SNTG1: variants seen among roughly 807,000 people sequenced by gnomAD.
SNTG1 encodes the protein gamma-1-syntrophin.
In SNTG1, 39 loss-of-function variants were observed where a neutral mutation model predicts 74.7. The observed-to-expected ratio is 0.52, with a 90% CI of 0.40 to 0.68. The LOEUF is 0.68. Ranked by LOEUF, SNTG1 falls within the 30% of genes least tolerant of loss-of-function variation. SNTG1 has a pLI of 0.00. For synonymous variants in SNTG1, 254 were observed against 217.1 expected, an observed-to-expected ratio of 1.17 and a Z score of -1.49; for missense variants, 685 against 609.5, an observed-to-expected ratio of 1.12 and a Z score of -1.30.
chr8:50,437,289 A>C (rs1344868562), intron 4 of SNTG1, among the ~76,000 whole-genome samples: 1 of 152,156 alleles, frequency 6.6e-6, no homozygotes, highest in Non-Finnish European at 1.5e-5. Flanking sequence ...CAAAATTCAA[A>C]ATAAATCAAT....
Position 50,450,611 on chromosome 8 carries a change from A to G in SNTG1, c.321+12A>G. ...ATGCAATTCTACAGGTATACATTTTATCACTATATGTGTGGTCAAAACATT... is the reference window on the plus strand; with the variant it reads ...ATGCAATTCTACAGGTATACATTTTGTCACTATATGTGTGGTCAAAACATT... On this transcript the variant is annotated intron_variant, in intron 7 of 18. Transcript: ENST00000642720. The G allele has an allele frequency of 1.2e-6, 2 of 1,613,534 alleles. No homozygotes were observed. The highest frequency in any genetic ancestry group is 2.2e-5 in the South Asian group (2 of 91,076).
At chr8:50,668,498 T>A (rs1441729603) in intron 15 of SNTG1, among the ~76,000 whole-genome samples, 27 of 11,932 alleles carry the variant, frequency 2.3e-3, no homozygotes, top group African/African-American at 3.3e-3. Flanking sequence ...TTTCGCACAT[T>A]ATTATTATTA....
chr8:50,488,556 G>A (rs1175752832), intron 8 of SNTG1, among the ~76,000 whole-genome samples: 1 of 152,018 alleles, frequency 6.6e-6, no homozygotes, highest in Non-Finnish European at 1.5e-5. Context: ...CCTTGCCTAT[G>A]AGCACCTCTC....
chr8:49,975,367 G>T (rs1812095481), intron 1 of SNTG1, among the ~76,000 whole-genome samples: 1 of 152,006 alleles, frequency 6.6e-6, no homozygotes, highest in Admixed American at 6.6e-5. Flanking sequence ...CTTTGCCTTA[G>T]TATGCTTGTT....
At chr8:50,538,476 A>G (rs529426395) in intron 11 of SNTG1, among the ~76,000 whole-genome samples, 1 of 152,208 alleles carries the variant, frequency 6.6e-6, no homozygotes, top group African/African-American at 2.4e-5. Flanking sequence ...GAGGATACAG[A>G]CTTTGGAGTT....
chr8:50,362,882 A>G (rs1437107731), intron 2 of SNTG1, among the ~76,000 whole-genome samples: 1 of 152,194 alleles, frequency 6.6e-6, no homozygotes, highest in Non-Finnish European at 1.5e-5. Flanking sequence ...AATGGGCCAT[A>G]TAACTATCAC....
intron 2 of SNTG1, among the ~76,000 whole-genome samples, chr8:50,196,960 T>A (rs1395367093): frequency 6.6e-6 from 1 of 151,866 alleles, no homozygotes; most frequent in African/African-American, 2.4e-5. Context: ...CCAGCCTGAG[T>A]GACAGAGCCA....
chr8:50,127,178 G>A (rs2081170330), intron 1 of SNTG1, among the ~76,000 whole-genome samples: 1 of 152,022 alleles, frequency 6.6e-6, no homozygotes, highest in Admixed American at 6.6e-5. Flanking sequence ...ATTTGCTGAC[G>A]CAGAGCTAGG....
chr8:50,512,320 C>A (rs1038235553), intron 9 of SNTG1, among the ~76,000 whole-genome samples: 4 of 151,372 alleles, frequency 2.6e-5, no homozygotes, highest in East Asian at 1.9e-4. Flanking sequence ...TGTGGGTAAC[C>A]CGACCTTTCT....
At chr8:49,972,766 C>G (rs1327338527) in intron 1 of SNTG1, among the ~76,000 whole-genome samples, 5 of 152,118 alleles carry the variant, frequency 3.3e-5, no homozygotes, top group Admixed American at 2.0e-4. Flanking sequence ...TGAAAAAATG[C>G]TCATCATCAC....
At chr8:50,112,614 C>T (rs191253265) in intron 1 of SNTG1, among the ~76,000 whole-genome samples, 25 of 148,686 alleles carry the variant, frequency 1.7e-4, no homozygotes, top group South Asian at 8.6e-4. Context: ...CCTCTATCTC[C>T]CAGGTTCAAG....
intron 1 of SNTG1, among the ~76,000 whole-genome samples, chr8:49,934,711 T>A (rs554151780): frequency 6.6e-6 from 1 of 152,178 alleles, no homozygotes; most frequent in African/African-American, 2.4e-5. Context: ...AAAATACAGA[T>A]GCAAATATAA....
At chr8:50,028,927 C>A (rs1195910083) in intron 1 of SNTG1, among the ~76,000 whole-genome samples, 2 of 152,170 alleles carry the variant, frequency 1.3e-5, no homozygotes, top group South Asian at 4.1e-4. Flanking sequence ...ATATTCTCTT[C>A]ATAAAATGTC....
intron 1 of SNTG1, among the ~76,000 whole-genome samples, chr8:50,124,545 G>A (rs1021953343): frequency 2.1e-5 from 3 of 142,302 alleles, no homozygotes; most frequent in East Asian, 2.0e-4. Flanking sequence ...TATTAATAAA[G>A]CTGACCTCTA....
intron 2 of SNTG1, among the ~76,000 whole-genome samples, chr8:50,376,071 G>A (rs952234285): frequency 7.9e-5 from 12 of 152,148 alleles, no homozygotes; most frequent in Admixed American, 6.6e-5. Flanking sequence ...CTGGTAGAAG[G>A]AGAAGGCAGG....
At chr8:49,937,877 C>T (rs1808228214) in intron 1 of SNTG1, among the ~76,000 whole-genome samples, 1 of 152,082 alleles carries the variant, frequency 6.6e-6, no homozygotes, top group South Asian at 2.1e-4. Flanking sequence ...TTCCTCCCTC[C>T]TCCTTCTGAG....
chr8:50,514,491 G>A (rs1349495763), intron 9 of SNTG1, among the ~76,000 whole-genome samples: 1 of 151,756 alleles, frequency 6.6e-6, no homozygotes, highest in Admixed American at 6.6e-5. Context: ...TGACTTATTG[G>A]TTTTTCAAAA....
Position 50,528,479 on chromosome 8 carries a change from A to G in SNTG1, c.467-1698A>G, listed in dbSNP as rs1031849092. On this transcript the variant is annotated intron_variant, in intron 9 of 18. Coordinates refer to ENST00000642720, the MANE Select transcript of SNTG1 (RefSeq NM_018967.5). ...AAAATGGATTTTGAATGTAAAACCA[A>G]GCTTGCATTTCTAGAATAAATACCA... is the stretch of plus-strand genomic sequence containing the variant. Among the ~76,000 whole-genome samples the G allele has an allele frequency of 2.0e-5, 3 of 151,960 alleles. No individual in the cohort carries two copies. In the East Asian group the frequency reaches 5.8e-4, roughly 29 times the overall value.
At chr8:49,987,221 G>T (rs1218867060) in intron 1 of SNTG1, among the ~76,000 whole-genome samples, 1 of 152,002 alleles carries the variant, frequency 6.6e-6, no homozygotes, top group Non-Finnish European at 1.5e-5. Flanking sequence ...ATATAAGAGT[G>T]TCAAATACAA....
Sources: allele counts gnomAD v4.1 joint callset (sites outside exome capture counted in the v4.1 genomes callset), GRCh38; gene constraint gnomAD v4.1.1; transcripts MANE v1.5; gene names NCBI Gene and HGNC (gene_info 2026-07-23, HGNC 2026-07-21).